ACSL5: variants seen among roughly 807,000 people sequenced by gnomAD.
ACSL5 encodes the protein long-chain-fatty-acid--CoA ligase 5.
A neutral mutation model predicts 84.9 loss-of-function variants in ACSL5; 50 were observed. That is an observed-to-expected ratio of 0.59 (90% CI 0.47 to 0.75). ACSL5 has a LOEUF of 0.75. ACSL5 is among the 30% of genes least tolerant of loss of function. The pLI is 0.00. For missense variants in ACSL5, 775 were observed against 830.4 expected, an observed-to-expected ratio of 0.93 and a Z score of 0.82; for synonymous variants, 280 against 300.7, an observed-to-expected ratio of 0.93 and a Z score of 0.71.
Position 112,408,448 on chromosome 10 carries a change from C to A in ACSL5, c.459C>A (p.Tyr153Ter). The change falls in exon 6 of 21, where the codon TAC becomes TAA. Residue 153 changes from tyrosine to a stop codon, truncating the protein, a stop_gained. Coordinates refer to ENST00000354655, the MANE Select transcript of ACSL5 (RefSeq NM_203379.2). LOFTEE classifies it high-confidence loss of function. ...GGATCATCTCCGAATTGGCTTGTTA[C>A]ACGTACTCTATGGTAGCTGTACCTC... ...PEWIISELAC[Y>*]TYSMVAVPLY... is the part of the protein sequence containing the mutation. 6.2e-7 allele frequency: 1 copy of A among 1,613,498 alleles called. No homozygotes were observed. The highest frequency in any genetic ancestry group is 8.5e-7 in the Non-Finnish European group (1 of 1,179,408).
chr10:112,425,363 G>A lies in ACSL5; in HGVS notation c.1619G>A (p.Arg540His), dbSNP rs201183294. The change falls in exon 18 of 21, where the codon CGT becomes CAT. Residue 540 changes from arginine (R) to histidine (H), a missense_variant. Physicochemically the swap from Arg to His is conservative, Grantham distance 29 (BLOSUM62 0). Coordinates refer to ENST00000354655, the MANE Select transcript of ACSL5 (RefSeq NM_203379.2). Reference protein sequence around the residue: ...LPNGTLKIIDRKKNIFKLAQG... With the variant: ...LPNGTLKIIDHKKNIFKLAQG... ...AATGGAACTCTGAAGATCATCGACC[G>A]TAAAAAGAACATTTTCAAGCTGGCC... 59 of 1,612,264 alleles carry A rather than the reference G, an allele frequency of 3.7e-5. No homozygotes were observed. The highest frequency in any genetic ancestry group is 4.7e-5 in the Non-Finnish European group (56 of 1,179,220).
chr10:112,402,029 G>A (rs143074439), intron 3 of ACSL5, among the ~76,000 whole-genome samples: 14 of 150,396 alleles, frequency 9.3e-5, no homozygotes, highest in Middle Eastern at 3.4e-3. Flanking sequence ...GCAGTGGCAC[G>A]ATCTAAGCTC....
At chr10:112,386,787 C>T (rs537578525) in intron 1 of ACSL5, among the ~76,000 whole-genome samples, 2 of 152,064 alleles carry the variant, frequency 1.3e-5, no homozygotes, top group Non-Finnish European at 2.9e-5. Flanking sequence ...ATAGGTTTTA[C>T]GCATTTATTC....
At chr10:112,397,912 C>T (rs977011017) in intron 2 of ACSL5, among the ~76,000 whole-genome samples, 18 of 151,884 alleles carry the variant, frequency 1.2e-4, no homozygotes, top group Admixed American at 3.3e-4. Context: ...AGTTTAAACT[C>T]GATAAGATAA....
intron 3 of ACSL5, among the ~76,000 whole-genome samples, chr10:112,400,238 A>C (rs1843847773): frequency 6.6e-6 from 1 of 151,796 alleles, no homozygotes; most frequent in Admixed American, 6.6e-5. Flanking sequence ...CAGAGACGGG[A>C]TCTTGCTCTG....
At chr10:112,393,158 G>T (rs2133588953) in intron 1 of ACSL5, among the ~76,000 whole-genome samples, 1 of 152,182 alleles carries the variant, frequency 6.6e-6, no homozygotes, top group East Asian at 1.9e-4. Context: ...TCCAAGTAAG[G>T]CTGAATTCCA....
chr10:112,401,934 A>T (rs1345327020), intron 3 of ACSL5, among the ~76,000 whole-genome samples: 54 of 90,002 alleles, frequency 6.0e-4, no homozygotes, highest in East Asian at 9.9e-4. Flanking sequence ...CCTTCCTCCC[A>T]CCTTCTCTTT....
intron 14 of ACSL5, among the ~76,000 whole-genome samples, 195 bp downstream of exon 14, chr10:112,418,136 G>A (rs555326941): frequency 2.0e-5 from 3 of 152,232 alleles, no homozygotes; most frequent in Admixed American, 6.5e-5. Context: ...TAAAACCAGT[G>A]CTCTAAAACA....
In ACSL5 at chr10:112,426,940, A is replaced by G. The variant is rs979910526; in HGVS notation, c.1911+81A>G. 8 of 1,218,938 alleles carry G rather than the reference A, an allele frequency of 6.6e-6. 1 individual carries two copies. The South Asian group carries it at 7.8e-5, about 12-fold the overall frequency. 75.5% of individuals were successfully genotyped at this position (1,218,938 alleles called of 1,614,324 possible). On this transcript the variant is annotated intron_variant, in intron 20 of 20. Coordinates refer to ENST00000354655, the MANE Select transcript of ACSL5 (RefSeq NM_203379.2). The stretch of plus-strand genomic sequence containing the variant: ...TTTCCATCTAATGAGGTTTAAATGT[A>G]TAATTTCTAAGGAATTGATTTTAGA...
chr10:112,409,530 G>A lies in ACSL5; in HGVS notation c.556G>A (p.Asp186Asn). ...NKADIAMVIC[D>N]TPQKALVLIG... ...AGCTGATATCGCCATGGTGATCTGT[G>A]ACACACCCCAAAAGGCATTGGTGCT... The change falls in exon 7 of 21, where the codon GAC becomes AAC. Residue 186 changes from aspartate to asparagine, a missense_variant. Physicochemically the swap from Asp to Asn is conservative, Grantham distance 23. Coordinates refer to ENST00000354655, the MANE Select transcript of ACSL5 (RefSeq NM_203379.2). 3.1e-6 allele frequency: 5 copies of A among 1,613,608 alleles called. No homozygotes were observed. The highest frequency in any genetic ancestry group is 4.2e-6 in the Non-Finnish European group (5 of 1,179,988).
chr10:112,428,307 C>T lies in ACSL5; in HGVS notation c.*949C>T, dbSNP rs935975681. On this transcript the variant is annotated 3_prime_UTR_variant, in exon 21 of 21. Transcript: ENST00000354655. ...CCTTGGATTAGAGTTCCTGCTCTAC[C>T]TTACCCACAGATAACACATGTTGTT... 6.3e-5 allele frequency: 25 copies of T among 395,124 alleles called. No individual in the cohort carries two copies. Among genetic ancestry groups the T allele is most frequent in the Non-Finnish European group, 1.1e-4 (24 of 224,046 alleles). 24.5% of individuals were successfully genotyped at this position (395,124 alleles called of 1,614,324 possible).
At chr10:112,391,762 T>G (rs1246827569) in intron 1 of ACSL5, among the ~76,000 whole-genome samples, 2 of 152,126 alleles carry the variant, frequency 1.3e-5, no homozygotes, top group African/African-American at 4.8e-5. Context: ...AATTGAGGTT[T>G]CAAAAAATGC....
chr10:112,417,520 T>G (rs562541196), intron 13 of ACSL5, among the ~76,000 whole-genome samples: 1 of 149,848 alleles, frequency 6.7e-6, no homozygotes, highest in South Asian at 2.1e-4. Flanking sequence ...AAAAAAAAAG[T>G]TTTATTTAGG....
intron 12 of ACSL5, among the ~76,000 whole-genome samples, chr10:112,414,115 A>G (rs1334455394): frequency 6.6e-6 from 1 of 152,134 alleles, no homozygotes; most frequent in Non-Finnish European, 1.5e-5. Flanking sequence ...GATGACTAGC[A>G]CTGCTCTATT....
At chr10:112,426,165 T>C (rs984591617) in intron 18 of ACSL5, 93 bp from the exon 19 acceptor site, 3 of 992,516 alleles carry the variant, frequency 3.0e-6, no homozygotes, top group African/African-American at 1.6e-5. Flanking sequence ...GAAATAACTA[T>C]TACAATGACA....
chr10:112,375,763 G>A (rs1849225616), intron 1 of ACSL5, among the ~76,000 whole-genome samples: 2 of 152,184 alleles, frequency 1.3e-5, no homozygotes, highest in East Asian at 1.9e-4. Context: ...CATGCCAATT[G>A]AACGACTCAC....
rs183069348 is a variant in ACSL5 at position 112,381,242 on chromosome 10, G to A, written c.-30+6973G>A. Among the ~76,000 whole-genome samples, 276 of 152,290 alleles carry A rather than the reference G, an allele frequency of 1.8e-3. 5 individuals carry two copies. Among genetic ancestry groups the A allele is most frequent in the Admixed American group, 0.017 (263 of 15,294 alleles). ...CTCACTGCACACACTGAAGCATTCT[G>A]TAAGAGTTTCTAGGACTAGATAGAC... is the stretch of plus-strand genomic sequence containing the variant. On this transcript the variant is annotated intron_variant, in intron 1 of 20. Coordinates refer to ENST00000354655, the MANE Select transcript of ACSL5 (RefSeq NM_203379.2).
chr10:112,381,896 C>CA (rs1316195110), intron 1 of ACSL5, among the ~76,000 whole-genome samples: 1 of 151,572 alleles, frequency 6.6e-6, no homozygotes, highest in Non-Finnish European at 1.5e-5. Flanking sequence ...GACTCCGTCT[C>CA]AAAAAAAATA....
chr10:112,396,307 A>G (rs1843744734), intron 2 of ACSL5: 1 of 152,188 alleles, frequency 6.6e-6, no homozygotes, highest in African/African-American at 2.4e-5. Context: ...ATTCCTCTGC[A>G]GCAGGGGTTG....
Sources: allele counts gnomAD v4.1 joint callset (sites outside exome capture counted in the v4.1 genomes callset), GRCh38; gene constraint gnomAD v4.1.1; transcripts MANE v1.5; gene names NCBI Gene and HGNC (gene_info 2026-07-23, HGNC 2026-07-21).